The following HS3ST4 variants were observed in gnomAD, a reference collection of about 807,000 sequenced individuals.
The protein encoded by HS3ST4 is heparan sulfate-glucosamine 3-sulfotransferase 4, also known as heparan sulfate glucosamine 3-O-sulfotransferase 4.
In HS3ST4, 17 loss-of-function variants were observed where a neutral mutation model predicts 29.2. That is an observed-to-expected ratio of 0.58 (90% confidence interval 0.40 to 0.87). The LOEUF (loss-of-function observed/expected upper bound fraction) is 0.87. Among genes scored for constraint, HS3ST4 ranks in the 40% least tolerant of loss-of-function variants. The probability of loss-of-function intolerance (pLI) is 0.00; values close to 1 mark genes in which losing one functional copy is unlikely to be tolerated. For synonymous variants in HS3ST4, 314 were observed against 285.7 expected (o/e 1.10, Z -1.00); for missense variants, 627 against 634.5 (o/e 0.99, Z 0.13).
At chr16:25,977,483 A>G (rs1968955238) in intron 1 of HS3ST4, among the ~76,000 whole-genome samples, 1 of 152,160 alleles carries the variant, frequency 6.6e-6, no homozygotes, top group Admixed American at 6.5e-5. Context: ...TCAATGCTGA[A>G]ACAGTGAATA....
intron 1 of HS3ST4, among the ~76,000 whole-genome samples, chr16:26,009,026 G>T (rs1418751074): frequency 1.3e-5 from 2 of 152,152 alleles, no homozygotes; most frequent in African/African-American, 2.4e-5. Flanking sequence ...GAGCGACACA[G>T]GCCTTCATTC....
At chr16:26,073,679 T>TTTATTC (rs111675353) in intron 1 of HS3ST4, among the ~76,000 whole-genome samples, 1 of 151,942 alleles carries the variant, frequency 6.6e-6, no homozygotes, top group Non-Finnish European at 1.5e-5. Context: ...GGTCAGAACT[T>TTTATTC]TTAATATCTA....
intron 1 of HS3ST4, among the ~76,000 whole-genome samples, chr16:25,852,434 C>A (rs903687968): frequency 1.3e-5 from 2 of 152,058 alleles, no homozygotes; most frequent in Non-Finnish European, 2.9e-5. Flanking sequence ...ATGTACCTGG[C>A]CATGCTTTGA....
chr16:25,893,539 G>A (rs1968031110), intron 1 of HS3ST4, among the ~76,000 whole-genome samples: 1 of 152,150 alleles, frequency 6.6e-6, no homozygotes, highest in African/African-American at 2.4e-5. Context: ...TCAGCCTTGG[G>A]TCACATGCAA....
chr16:25,880,095 A>G (rs941457291), intron 1 of HS3ST4, among the ~76,000 whole-genome samples: 1 of 152,224 alleles, frequency 6.6e-6, no homozygotes, highest in Non-Finnish European at 1.5e-5. Context: ...TGGGTAGCTA[A>G]TAATTGGTAG....
intron 1 of HS3ST4, among the ~76,000 whole-genome samples, chr16:26,123,415 A>G (rs1899302388): frequency 6.6e-6 from 1 of 152,226 alleles, no homozygotes; most frequent in Non-Finnish European, 1.5e-5. Flanking sequence ...TCTGGAATTC[A>G]GTTGACCCTT....
chr16:25,939,912 T>A (rs955781229), intron 1 of HS3ST4, among the ~76,000 whole-genome samples: 2 of 152,212 alleles, frequency 1.3e-5, no homozygotes, highest in African/African-American at 2.4e-5. Flanking sequence ...CCCAGTTTGA[T>A]GCCTAATTTA....
At chr16:25,810,771 C>A (rs1280452115) in intron 1 of HS3ST4, among the ~76,000 whole-genome samples, 1 of 152,196 alleles carries the variant, frequency 6.6e-6, no homozygotes, top group Non-Finnish European at 1.5e-5. Context: ...GGAGTGATTT[C>A]ACTTTCTCAA....
Position 25,916,604 on chromosome 16 carries a change from C to T in HS3ST4, c.735-219008C>T, listed in dbSNP as rs565640237. Among the ~76,000 whole-genome samples, 22 of 151,832 alleles carry T rather than the reference C, an allele frequency of 1.4e-4. No individual in the cohort carries two copies. The South Asian group carries it at 3.3e-3, about 23-fold the overall frequency. ...CTGAAACTCCTGACCTCAGATGATC[C>T]GCCCGCCTTGGGCTCCCAAAGTGTT... On this transcript the variant is annotated intron_variant, in intron 1 of 1. Transcript: ENST00000331351.
At chr16:26,000,477 T>G (rs1363780249) in intron 1 of HS3ST4, among the ~76,000 whole-genome samples, 2 of 152,050 alleles carry the variant, frequency 1.3e-5, no homozygotes, top group Non-Finnish European at 2.9e-5. Context: ...TATCCTTGAT[T>G]GCATTTCTGT....
At chr16:26,104,584 T>G (rs1213958642) in intron 1 of HS3ST4, among the ~76,000 whole-genome samples, 2 of 152,216 alleles carry the variant, frequency 1.3e-5, no homozygotes, top group African/African-American at 4.8e-5. Flanking sequence ...GTTCCCTTTT[T>G]AAGATCAGCT....
At chr16:25,815,084 T>A (rs1040191891) in intron 1 of HS3ST4, among the ~76,000 whole-genome samples, 5 of 152,184 alleles carry the variant, frequency 3.3e-5, no homozygotes, top group Non-Finnish European at 5.9e-5. Flanking sequence ...ATGTGGACTG[T>A]GCAGAAAGCA....
At chr16:25,872,302 TG>T (rs1437863001) in intron 1 of HS3ST4, among the ~76,000 whole-genome samples, 16 of 152,136 alleles carry the variant, frequency 1.1e-4, no homozygotes, top group Non-Finnish European at 1.5e-5. Flanking sequence ...CTTAGTCTGC[TG>T]GAGTGGTTGT....
At chr16:25,871,557 C>T (rs1054952586) in intron 1 of HS3ST4, among the ~76,000 whole-genome samples, 3 of 152,026 alleles carry the variant, frequency 2.0e-5, no homozygotes, top group African/African-American at 2.4e-5. Flanking sequence ...GGTACTTGTA[C>T]GTATGTGTAT....
rs542535526 is a variant in HS3ST4 at position 25,713,921 on chromosome 16, C to G, written c.734+20770C>G. On this transcript the variant is annotated intron_variant, in intron 1 of 1. Transcript: ENST00000331351. ...GATGGCCTTGCTACCTCTGTTGTCT[C>G]TCTTCCTCCCAAGCTGCTAGGACTC... Among the ~76,000 whole-genome samples the G allele has an allele frequency of 1.5e-4, 23 of 152,286 alleles. 1 individual carries two copies. The highest frequency in any genetic ancestry group is 1.2e-3 in the Admixed American group (19 of 15,302).
Position 25,900,023 on chromosome 16 carries a change from C to T in HS3ST4, c.734+206872C>T, listed in dbSNP as rs982278051. On this transcript the variant is annotated intron_variant, in intron 1 of 1. Transcript: ENST00000331351. ...GGTTAAATAAATCATAAATGTTCTC[C>T]TGCTTTGAGCCATTGTTAGCTAGAA... Among the ~76,000 whole-genome samples the T allele has an allele frequency of 2.0e-5, 3 of 152,218 alleles. No individual in the cohort carries two copies. The East Asian group carries it at 5.8e-4, about 29-fold the overall frequency.
At chr16:25,978,460 G>A (rs988908179) in intron 1 of HS3ST4, among the ~76,000 whole-genome samples, 1 of 152,232 alleles carries the variant, frequency 6.6e-6, no homozygotes, top group African/African-American at 2.4e-5. Flanking sequence ...AAAACTGTAT[G>A]ACAAAGACAG....
intron 1 of HS3ST4, among the ~76,000 whole-genome samples, chr16:25,806,630 A>T (rs149200536): frequency 1.3e-5 from 2 of 152,286 alleles, no homozygotes; most frequent in Non-Finnish European, 2.9e-5. Context: ...TTTTATTTTG[A>T]AATAGTTGCA....
At chr16:25,983,797 C>T (rs1016236325) in intron 1 of HS3ST4, among the ~76,000 whole-genome samples, 3 of 152,200 alleles carry the variant, frequency 2.0e-5, no homozygotes, top group Non-Finnish European at 1.5e-5. Context: ...AACCCAGAAT[C>T]ATGGACTCAC....
Sources: allele counts gnomAD v4.1 joint callset (sites outside exome capture counted in the v4.1 genomes callset), GRCh38; gene constraint gnomAD v4.1.1; transcripts MANE v1.5; gene names NCBI Gene and HGNC (gene_info 2026-07-23, HGNC 2026-07-21).